Variants in TANC2 observed in about 807,000 individuals in gnomAD.
TANC2 encodes the protein tetratricopeptide repeat, ankyrin repeat and coiled-coil containing 2.
TANC2 carries 26 observed loss-of-function variants against 210.5 expected under a neutral mutation model. The ratio of observed to expected loss-of-function variants is 0.12; its 90% CI spans 0.09 to 0.17. TANC2 has a LOEUF of 0.17. TANC2 is among the 10% of genes least tolerant of loss of function. The pLI is 1.00. For missense variants in TANC2, 2,129 were observed against 2,608.9 expected, an observed-to-expected ratio of 0.82 and a Z score of 4.01; for synonymous variants, 931 against 967.1, an observed-to-expected ratio of 0.96 and a Z score of 0.69.
intron 5 of TANC2, among the ~76,000 whole-genome samples, chr17:63,159,943 C>G (rs745501620): frequency 3.2e-4 from 49 of 152,188 alleles, no homozygotes; most frequent in Non-Finnish European, 5.9e-5. Flanking sequence ...AGTTCAAGAT[C>G]AAGGTTCTGG....
intron 11 of TANC2, among the ~76,000 whole-genome samples, chr17:63,339,241 G>T (rs2046145216): frequency 6.6e-6 from 1 of 152,090 alleles, no homozygotes; most frequent in Admixed American, 6.5e-5. Context: ...CTTCCAGTTT[G>T]GTATTTTCTA....
intron 14 of TANC2, among the ~76,000 whole-genome samples, chr17:63,359,470 A>C (rs1431167904): frequency 6.6e-6 from 1 of 152,014 alleles, no homozygotes; most frequent in Non-Finnish European, 1.5e-5. Context: ...CAGCCTCCCA[A>C]GTAGCTGGGA....
intron 4 of TANC2, 113 bp downstream of exon 4, chr17:63,099,470 C>A: frequency 1.5e-6 from 1 of 672,642 alleles, no homozygotes; most frequent in Non-Finnish European, 2.2e-6. Flanking sequence ...TCTGGCCTTC[C>A]TAATGTCACA....
chr17:63,195,803 T>C (rs1201990961), intron 6 of TANC2, among the ~76,000 whole-genome samples: 2 of 152,150 alleles, frequency 1.3e-5, no homozygotes, highest in East Asian at 3.8e-4. Flanking sequence ...CCCATCATAC[T>C]TAAAATAAAA....
chr17:63,287,693 T>A (rs1190822020), intron 9 of TANC2, among the ~76,000 whole-genome samples: 1 of 151,946 alleles, frequency 6.6e-6, no homozygotes, highest in Non-Finnish European at 1.5e-5. Flanking sequence ...TATATTTTTT[T>A]TTTTTTTGAG....
At chr17:63,383,113 C>T (rs1007903839) in intron 15 of TANC2, among the ~76,000 whole-genome samples, 4 of 152,122 alleles carry the variant, frequency 2.6e-5, no homozygotes, top group Non-Finnish European at 5.9e-5. Flanking sequence ...GTACAGAGTT[C>T]CCACATACTC....
At position 63,205,372 on chromosome 17, in the gene TANC2, A is replaced by AAAAAAC. The variant is rs1472135033; in HGVS notation, c.769+4415_769+4416insAAAAAC. 2.7e-4 allele frequency among the ~76,000 whole-genome samples: 36 copies of AAAAAAC among 131,846 alleles called. 2 individuals carry two copies. The highest frequency in any genetic ancestry group is 7.2e-4 in the African/African-American group (23 of 32,124). The allele number at this position is 131,846 out of a possible 152,430, so 86.5% of individuals were successfully genotyped here. A position where few individuals can be genotyped will look rare whatever the true frequency, so the allele number is the denominator to read the frequency against. ...AAAAAAAAAAAAAAAAAAAAAAAAA[A>AAAAAAC]CCTCATACACCGAAAACTACAAAAC... On this transcript the variant is annotated intron_variant, in intron 7 of 27. Coordinates refer to ENST00000689528, the Ensembl canonical transcript of TANC2.
chr17:63,349,078 G>A (rs1284582481), intron 12 of TANC2, among the ~76,000 whole-genome samples: 1 of 151,664 alleles, frequency 6.6e-6, no homozygotes, highest in Non-Finnish European at 1.5e-5. Flanking sequence ...ACCTACATTA[G>A]TAGGTGACTT....
At chr17:63,397,233 C>T (rs1235032113) in intron 18 of TANC2, among the ~76,000 whole-genome samples, 2 of 152,100 alleles carry the variant, frequency 1.3e-5, no homozygotes, top group African/African-American at 4.8e-5. Context: ...TGAGATCATG[C>T]CATTGTACTC....
At chr17:62,989,572 G>A (rs985466475) in intron 1 of TANC2, among the ~76,000 whole-genome samples, 4 of 152,092 alleles carry the variant, frequency 2.6e-5, no homozygotes, top group Non-Finnish European at 4.4e-5. Flanking sequence ...AAGGGAAGGC[G>A]AATGATGCAG....
intron 2 of TANC2, among the ~76,000 whole-genome samples, chr17:63,042,974 T>C (rs1169915920): frequency 1.3e-5 from 2 of 152,102 alleles, no homozygotes; most frequent in Non-Finnish European, 1.5e-5. Context: ...TCCATAGATC[T>C]GTATTTTATT....
At chr17:63,014,348 A>G (rs1008427684) in intron 2 of TANC2, among the ~76,000 whole-genome samples, 6 of 152,124 alleles carry the variant, frequency 3.9e-5, no homozygotes, top group Non-Finnish European at 8.8e-5. Flanking sequence ...AGTATCTCCA[A>G]CATCAGGGCT....
At chr17:63,345,619 CAAA>C (rs752643075) in intron 12 of TANC2, among the ~76,000 whole-genome samples, 9 of 86,614 alleles carry the variant, frequency 1.0e-4, no homozygotes, top group African/African-American at 3.2e-4. Context: ...AATTCTGTCT[CAAA>C]AAAAAAAAAA....
At chr17:63,326,848 T>C (rs2045664935) in intron 11 of TANC2, among the ~76,000 whole-genome samples, 1 of 151,712 alleles carries the variant, frequency 6.6e-6, no homozygotes, top group South Asian at 2.1e-4. Flanking sequence ...AGCTCAAAAG[T>C]ACAGGCAACA....
chr17:63,353,381 TG>T (rs2046678388), intron 13 of TANC2, among the ~76,000 whole-genome samples: 1 of 152,080 alleles, frequency 6.6e-6, no homozygotes, highest in South Asian at 2.1e-4. Context: ...TTCTAGAATT[TG>T]GTGGTAGAGT....
exon 5 of TANC2, chr17:63,151,329 T>C: frequency 3.0e-6 from 3 of 985,838 alleles, no homozygotes; most frequent in Non-Finnish European, 3.6e-6. Flanking sequence ...CGAGCTTGGC[T>C]CACCAACCCT....
chr17:62,977,103 G>C (rs1016268709), intron 1 of TANC2, among the ~76,000 whole-genome samples: 1 of 152,192 alleles, frequency 6.6e-6, no homozygotes, highest in African/African-American at 2.4e-5. Context: ...TGGCCTTGCT[G>C]AGAGAATTAA....
intron 7 of TANC2, among the ~76,000 whole-genome samples, chr17:63,220,608 G>T (rs1416543268): frequency 2.0e-5 from 3 of 150,540 alleles, no homozygotes; most frequent in Non-Finnish European, 4.4e-5. Context: ...GGAGGCTGTG[G>T]CAGGCGAATT....
intron 7 of TANC2, among the ~76,000 whole-genome samples, chr17:63,220,396 A>G (rs1442131876): frequency 6.6e-6 from 1 of 151,746 alleles, no homozygotes; most frequent in African/African-American, 2.4e-5. Flanking sequence ...TATTTTTTTC[A>G]GCAAATATTA....
Sources: gnomAD v4.1 joint callset for allele counts (sites outside exome capture counted in the v4.1 genomes callset) on GRCh38, gnomAD v4.1.1 for gene constraint, MANE v1.5 for transcripts, NCBI Gene and HGNC (gene_info 2026-07-23, HGNC 2026-07-21) for gene names.